NEGR1: variants seen among roughly 807,000 people sequenced by gnomAD.
The protein encoded by NEGR1 is IgLON family member 4.
Under a neutral mutation model 40.9 loss-of-function variants are expected in NEGR1, and 10 were observed. That is an observed-to-expected ratio of 0.24 (90% CI 0.15 to 0.42). NEGR1 has a LOEUF of 0.42. NEGR1 is among the 10% of genes least tolerant of loss of function. NEGR1 has a pLI of 1.00. For missense variants in NEGR1, 352 were observed against 438.9 expected, an observed-to-expected ratio of 0.80 and a Z score of 1.77; for synonymous variants, 185 against 166.8, an observed-to-expected ratio of 1.11 and a Z score of -0.84.
chr1:72,231,776 T>G (rs985227), intron 1 of NEGR1, among the ~76,000 whole-genome samples: 31,490 of 152,014 alleles, frequency 0.21, 3,762 homozygotes, highest in South Asian at 0.28. Context: ...CTTACATAAT[T>G]AGTTAATTTT....
intron 1 of NEGR1, among the ~76,000 whole-genome samples, chr1:71,988,005 C>T (rs74431598): frequency 6.6e-6 from 1 of 152,186 alleles, no homozygotes; most frequent in Admixed American, 6.5e-5. Context: ...AAGAAAGAGT[C>T]TGTTTCTTGT....
intron 2 of NEGR1, among the ~76,000 whole-genome samples, chr1:71,914,963 G>A (rs1369508183): frequency 6.6e-6 from 1 of 152,014 alleles, no homozygotes; most frequent in African/African-American, 2.4e-5. Context: ...TATTGCTAAT[G>A]GCCATCATTT....
At chr1:71,624,257 T>C (rs1175277409) in intron 4 of NEGR1, among the ~76,000 whole-genome samples, 1 of 151,996 alleles carries the variant, frequency 6.6e-6, no homozygotes, top group Non-Finnish European at 1.5e-5. Flanking sequence ...TGAAATCTTA[T>C]ACTTCTCATC....
intron 1 of NEGR1, among the ~76,000 whole-genome samples, chr1:72,003,657 T>C (rs1646577662): frequency 6.6e-6 from 1 of 152,126 alleles, no homozygotes; most frequent in Admixed American, 6.6e-5. Context: ...CCTAATAGAC[T>C]TTCCTTATCA....
chr1:71,675,816 T>C (rs2101604916), intron 4 of NEGR1, among the ~76,000 whole-genome samples: 1 of 151,068 alleles, frequency 6.6e-6, no homozygotes, highest in East Asian at 2.0e-4. Flanking sequence ...TTTTTTTTCC[T>C]TAAGAGACAG....
At chr1:72,005,117 A>T (rs929301566) in intron 1 of NEGR1, among the ~76,000 whole-genome samples, 3 of 152,172 alleles carry the variant, frequency 2.0e-5, no homozygotes, top group Admixed American at 1.3e-4. Flanking sequence ...AGGGCATAGA[A>T]ACATGCATAA....
intron 1 of NEGR1, among the ~76,000 whole-genome samples, chr1:72,060,212 T>A (rs975929683): frequency 1.3e-5 from 2 of 151,668 alleles, no homozygotes; most frequent in African/African-American, 4.8e-5. Context: ...TATCTTGATT[T>A]TTTTCCCTCA....
chr1:71,531,682 A>G (rs1334313683), intron 6 of NEGR1, among the ~76,000 whole-genome samples: 2 of 151,406 alleles, frequency 1.3e-5, no homozygotes, highest in Admixed American at 1.3e-4. Context: ...CACAAAACTT[A>G]AACTTTGTGT....
chr1:72,088,486 T>C (rs1569943014), intron 1 of NEGR1, among the ~76,000 whole-genome samples: 1 of 152,278 alleles, frequency 6.6e-6, no homozygotes, highest in African/African-American at 2.4e-5. Context: ...CCTCAGATTT[T>C]ATACAATAGG....
At chr1:71,556,570 AT>A (rs1371931951) in intron 6 of NEGR1, among the ~76,000 whole-genome samples, 1 of 151,504 alleles carries the variant, frequency 6.6e-6, no homozygotes, top group East Asian at 1.9e-4. Context: ...TCAAAGTGCA[AT>A]AATTTGTTAT....
intron 4 of NEGR1, among the ~76,000 whole-genome samples, chr1:71,684,907 A>G (rs995847930): frequency 2.6e-5 from 4 of 152,222 alleles, no homozygotes; most frequent in Non-Finnish European, 5.9e-5. Context: ...AATTTAAAAA[A>G]ATATCTTTTA....
At chr1:71,613,780 G>A (rs1184844324) in intron 4 of NEGR1, among the ~76,000 whole-genome samples, 1 of 151,836 alleles carries the variant, frequency 6.6e-6, no homozygotes, top group African/African-American at 2.4e-5. Context: ...TAACACTATA[G>A]AAAATTATTA....
At chr1:71,992,846 G>C (rs969189327) in intron 1 of NEGR1, among the ~76,000 whole-genome samples, 1 of 152,044 alleles carries the variant, frequency 6.6e-6, no homozygotes, top group Non-Finnish European at 1.5e-5. Flanking sequence ...TTTGTTTTTT[G>C]AATACCAAAA....
intron 3 of NEGR1, among the ~76,000 whole-genome samples, chr1:71,734,607 T>C (rs1000120620): frequency 6.6e-6 from 1 of 152,174 alleles, no homozygotes; most frequent in African/African-American, 2.4e-5. Context: ...GATTTAACTA[T>C]GCTTCTAACA....
chr1:71,916,258 A>G (rs992507317), intron 2 of NEGR1, among the ~76,000 whole-genome samples: 1 of 148,942 alleles, frequency 6.7e-6, no homozygotes, highest in African/African-American at 2.6e-5. Flanking sequence ...TAAAAGTTAA[A>G]TAAAGTATAA....
chr1:71,611,603 G>T (rs1295050428), intron 4 of NEGR1, among the ~76,000 whole-genome samples: 2 of 152,196 alleles, frequency 1.3e-5, no homozygotes, highest in Non-Finnish European at 2.9e-5. Flanking sequence ...CAAGTTCAGA[G>T]ATGTTAAATG....
intron 1 of NEGR1, among the ~76,000 whole-genome samples, chr1:72,215,519 AAAAC>A (rs1417903384): frequency 6.6e-6 from 1 of 152,078 alleles, no homozygotes; most frequent in Non-Finnish European, 1.5e-5. Context: ...TTAAAAGAAA[AAAAC>A]AAACAACCCG....
intron 4 of NEGR1, among the ~76,000 whole-genome samples, chr1:71,671,791 A>G (rs137873941): frequency 6.6e-6 from 1 of 152,176 alleles, no homozygotes; most frequent in East Asian, 1.9e-4. Flanking sequence ...TACCCAATTA[A>G]TCATACTTGC....
chr1:72,077,541 G>A (rs979958292), intron 1 of NEGR1, among the ~76,000 whole-genome samples: 7 of 152,002 alleles, frequency 4.6e-5, no homozygotes, highest in Non-Finnish European at 1.0e-4. Context: ...TGTAATCCCA[G>A]CACTTCGGGA....
Sources: gnomAD v4.1 joint callset for allele counts (sites outside exome capture counted in the v4.1 genomes callset) on GRCh38, gnomAD v4.1.1 for gene constraint, MANE v1.5 for transcripts, NCBI Gene and HGNC (gene_info 2026-07-23, HGNC 2026-07-21) for gene names.